The following BCR variants were observed in gnomAD, a reference collection of about 807,000 sequenced individuals.
BCR encodes the protein breakpoint cluster region protein.
In BCR, 58 loss-of-function variants were observed where a neutral mutation model predicts 138.6. That is an observed-to-expected ratio of 0.42 (90% CI 0.34 to 0.52). The LOEUF (loss-of-function observed/expected upper bound fraction) is 0.52, where lower values mean the gene tolerates loss of function less well. Among genes scored for constraint, BCR ranks in the 20% least tolerant of loss-of-function variants. The pLI, the probability that BCR is intolerant of heterozygous loss-of-function variation, is 0.06. For synonymous variants in BCR, 786 were observed against 730.1 expected, an observed-to-expected ratio of 1.08 and a Z score of -1.23; for missense variants, 1,599 against 1,727.2, an observed-to-expected ratio of 0.93 and a Z score of 1.32.
At chr22:23,201,480 C>G (rs770125608) in intron 1 of BCR, among the ~76,000 whole-genome samples, 15 of 139,616 alleles carry the variant, frequency 1.1e-4, no homozygotes, top group Admixed American at 7.2e-5. Flanking sequence ...GTTTTTGAGA[C>G]GGAGTCTTGC....
chr22:23,272,992 C>T, intron 6 of BCR, 89 bp from the exon 7 acceptor site: 1 of 1,440,746 alleles, frequency 6.9e-7, no homozygotes, highest in Non-Finnish European at 9.7e-7. Flanking sequence ...GGGCAGCCCC[C>T]TCCCCACTCA....
At chr22:23,305,294 T>G (rs1391175312) in intron 16 of BCR, among the ~76,000 whole-genome samples, 1 of 152,106 alleles carries the variant, frequency 6.6e-6, no homozygotes, top group Non-Finnish European at 1.5e-5. Context: ...CAGGAACAAC[T>G]GGGGTTGCCC....
chr22:23,200,766 C>T (rs944382324), intron 1 of BCR, among the ~76,000 whole-genome samples: 2 of 152,120 alleles, frequency 1.3e-5, no homozygotes, highest in Non-Finnish European at 2.9e-5. Flanking sequence ...CTTCATGTTG[C>T]CCGTGCCAGT....
rs759409214 is a variant in BCR at position 23,253,893 on chromosome 22, C to G, written c.1374C>G (p.Asp458Glu). The change falls in exon 2 of 23, where the codon GAC becomes GAG. Residue 458 changes from aspartate to glutamate, a missense_variant. By Grantham distance (45) the Asp-to-Glu change is conservative. Transcript: ENST00000305877. ...AAGATGGGCTGCCCTACATTGATGACTCGCCCTCCTCATCGCCCCACCTCA... is the reference window on the plus strand; with the variant it reads ...AAGATGGGCTGCCCTACATTGATGAGTCGCCCTCCTCATCGCCCCACCTCA... ...RHQDGLPYID[D>E]SPSSSPHLSS... 4 of 1,613,298 alleles carry G rather than the reference C, an allele frequency of 2.5e-6. No homozygotes were observed. The South Asian group carries it at 3.3e-5, about 13-fold the overall frequency.
chr22:23,195,836 C>T (rs9624051), intron 1 of BCR, among the ~76,000 whole-genome samples: 38,826 of 152,090 alleles, frequency 0.26, 5,145 homozygotes, highest in East Asian at 0.35. Context: ...TGCAGTGAAC[C>T]GAGATCGTGC....
At chr22:23,199,100 C>G (rs890950665) in intron 1 of BCR, 1 of 309,552 alleles carries the variant, frequency 3.2e-6, no homozygotes, top group African/African-American at 2.3e-5. Context: ...CCAGCCAAGG[C>G]GACAAGAACG....
At chr22:23,255,142 G>T (rs1327996545) in intron 2 of BCR, among the ~76,000 whole-genome samples, 1 of 152,196 alleles carries the variant, frequency 6.6e-6, no homozygotes, top group Non-Finnish European at 1.5e-5. Context: ...TTTTTCTGGG[G>T]CTGACATGTT....
chr22:23,311,833 G>A lies in BCR; in HGVS notation c.3319G>A (p.Val1107Ile), dbSNP rs147761005. The A allele has an allele frequency of 5.0e-5, 80 of 1,610,636 alleles. No homozygotes were observed. The African/African-American group carries it at 7.3e-4, about 15-fold the overall frequency. Residue 1107 changes from valine (V) to isoleucine (I), a missense_variant, in exon 19 of 23, where the codon GTC becomes ATC. Around this residue, in one of 4 missense-constraint regions of BCR, gnomAD observed 177 missense variants for 226.4 expected, o/e 0.78. Transcript: ENST00000305877. ...CCAGGCACTGAAGGCAGCCTTCGAC[G>A]TCAGTGAGTGTTGGCCTGCGCAGGA... ...DIQALKAAFD[V>I]NNKDVSVMMS... is the part of the protein sequence containing the mutation.
At chr22:23,265,227 C>T (rs1019955244) in intron 4 of BCR, among the ~76,000 whole-genome samples, 1 of 152,238 alleles carries the variant, frequency 6.6e-6, no homozygotes, top group Non-Finnish European at 1.5e-5. Context: ...TCAGATGATG[C>T]AGCCGGAAGA....
chr22:23,263,705 A>G, intron 4 of BCR: 3 of 1,394,282 alleles, frequency 2.2e-6, no homozygotes, highest in East Asian at 2.3e-5. Context: ...TTCGCTGCCA[A>G]GTACTGGGCT....
chr22:23,301,180 C>G (rs2073898379), intron 16 of BCR, among the ~76,000 whole-genome samples: 3 of 152,258 alleles, frequency 2.0e-5, no homozygotes, highest in Admixed American at 6.5e-5. Context: ...ATGGCGCATG[C>G]CTGTAGTCCC....
intron 2 of BCR, among the ~76,000 whole-genome samples, chr22:23,255,049 TAAATA>T (rs2073277264): frequency 6.6e-6 from 1 of 152,024 alleles, no homozygotes; most frequent in Admixed American, 6.6e-5. Flanking sequence ...AATAAAAAAA[TAAATA>T]AAAAGAGCAA....
intron 12 of BCR, among the ~76,000 whole-genome samples, chr22:23,288,407 G>T (rs2073742867): frequency 6.8e-6 from 1 of 146,592 alleles, no homozygotes; most frequent in Non-Finnish European, 1.5e-5. Context: ...TTTCCCCACT[G>T]CCCTGTGATC....
At position 23,200,272 on chromosome 22, in the gene BCR, C is replaced by T. The variant is rs140376601; in HGVS notation, c.1279+18033C>T. ...CTTAGGTCTGGTGGTCTGTCCCTGA[C>T]TGCACTTTTTTCAGAGCTGTTTTGG... On this transcript the variant is annotated intron_variant, in intron 1 of 22. Transcript: ENST00000305877. 4.5e-3 allele frequency among the ~76,000 whole-genome samples: 686 copies of T among 152,238 alleles called. 4 individuals are homozygous for T. The highest frequency in any genetic ancestry group is 0.016 in the African/African-American group (652 of 41,530).
At chr22:23,185,257 C>G (rs1416508858) in intron 1 of BCR, among the ~76,000 whole-genome samples, 4 of 152,202 alleles carry the variant, frequency 2.6e-5, no homozygotes, top group Non-Finnish European at 5.9e-5. Flanking sequence ...TCCCACTACC[C>G]CACACTGCTA....
intron 1 of BCR, among the ~76,000 whole-genome samples, chr22:23,241,263 G>T (rs567154296): frequency 6.6e-6 from 1 of 152,212 alleles, no homozygotes; most frequent in Non-Finnish European, 1.5e-5. Flanking sequence ...GTGTCTGCCC[G>T]TGGCTGGGCC....
chr22:23,264,247 C>T (rs1486794767), intron 4 of BCR: 3 of 966,682 alleles, frequency 3.1e-6, no homozygotes, highest in East Asian at 4.8e-5. Flanking sequence ...CACACCTTCC[C>T]GCTGACGTCG....
At chr22:23,254,836 T>C (rs1432083768) in intron 2 of BCR, among the ~76,000 whole-genome samples, 1 of 152,134 alleles carries the variant, frequency 6.6e-6, no homozygotes, top group Non-Finnish European at 1.5e-5. Flanking sequence ...GATGACAGAT[T>C]ACTTCCGCAC....
At chr22:23,288,240 G>T in intron 12 of BCR, 68 bp downstream of exon 12, 1 of 1,437,910 alleles carries the variant, frequency 7.0e-7, no homozygotes, top group Non-Finnish European at 9.8e-7. Flanking sequence ...AGCTCCTGTG[G>T]TTTTAAACCT....
Sources: allele counts gnomAD v4.1 joint callset (sites outside exome capture counted in the v4.1 genomes callset), GRCh38; gene constraint gnomAD v4.1.1; regional missense constraint gnomAD v4.1.1; transcripts MANE v1.5; gene names NCBI Gene and HGNC (gene_info 2026-07-23, HGNC 2026-07-21).